Variants in RRP1B observed in about 807,000 individuals in gnomAD.
RRP1B encodes the protein ribosomal RNA processing protein 1 homolog B.
A neutral mutation model predicts 80.2 loss-of-function variants in RRP1B; 56 were observed. That is an observed-to-expected ratio of 0.70 (90% CI 0.56 to 0.87). RRP1B has a LOEUF of 0.87. Ranked by LOEUF, RRP1B falls within the 40% of genes least tolerant of loss-of-function variation. The probability of loss-of-function intolerance (pLI) is 0.00; values close to 1 mark genes in which losing one functional copy is unlikely to be tolerated. For synonymous variants in RRP1B, 351 were observed against 357.6 expected (o/e 0.98, Z 0.21); for missense variants, 807 against 939.8 (o/e 0.86, Z 1.85).
chr21:43,660,814 C>T (rs182886791), intron 1 of RRP1B, among the ~76,000 whole-genome samples: 18 of 152,240 alleles, frequency 1.2e-4, no homozygotes, highest in African/African-American at 4.3e-4. Flanking sequence ...GAGATGTAGG[C>T]AGTGGCCAGA....
chr21:43,664,098 G>A (rs1252021539), intron 1 of RRP1B, among the ~76,000 whole-genome samples: 1 of 152,012 alleles, frequency 6.6e-6, no homozygotes. Context: ...TAGATTCCTA[G>A]GTGAACACAC....
chr21:43,663,710 A>T (rs548700397), intron 1 of RRP1B, among the ~76,000 whole-genome samples: 1 of 151,636 alleles, frequency 6.6e-6, no homozygotes, highest in African/African-American at 2.4e-5. Context: ...GGCATGCACC[A>T]CCATGCCCAG....
chr21:43,691,410 C>G lies in RRP1B; in HGVS notation c.2020-29C>G, dbSNP rs2083085674. The G allele has an allele frequency of 1.2e-6, 2 of 1,612,156 alleles. No homozygotes were observed. The highest frequency in any genetic ancestry group is 4.5e-5 in the East Asian group (2 of 44,860). On this transcript the variant is annotated intron_variant, in intron 14 of 15. Transcript: ENST00000340648. The surrounding 1 kb of genome is among the most constrained non-coding windows in gnomAD (Gnocchi z 4.2). ...CGCCTCCACTGCACTTGCGTCACTC[C>G]TTTTGTTCCTGTTATTTCTCTTCTG... is the stretch of plus-strand genomic sequence containing the variant.
At chr21:43,663,326 C>T (rs2082965470) in intron 1 of RRP1B, among the ~76,000 whole-genome samples, 1 of 152,198 alleles carries the variant, frequency 6.6e-6, no homozygotes, top group South Asian at 2.1e-4. Context: ...AGTGCAACAG[C>T]GCGATCTCTG....
At position 43,695,176 on chromosome 21, in the gene RRP1B, T is replaced by A. The variant is rs1266096066; in HGVS notation, c.*1793T>A. The A allele has an allele frequency of 4.4e-5, 1 of 22,594 alleles. No individual in the cohort carries two copies. The highest frequency in any genetic ancestry group is 9.5e-5 in the Non-Finnish European group (1 of 10,546). The allele number at this position is 22,594 out of a possible 1,614,324, so 1.4% of individuals were successfully genotyped here. A position where few individuals can be genotyped will look rare whatever the true frequency, so the allele number is the denominator to read the frequency against. On this transcript the variant is annotated 3_prime_UTR_variant, in exon 16 of 16. Transcript: ENST00000340648. ...GTGAGCAAATAGTTTTAACTTTTCT[T>A]TTTTTTTTTTAAGTTTCATTCTTCC...
In RRP1B at chr21:43,695,092, A is replaced by G. The variant is rs1229263226; in HGVS notation, c.*1709A>G. On this transcript the variant is annotated 3_prime_UTR_variant, in exon 16 of 16. Transcript: ENST00000340648. ...ATAGCTGTGGTGGCTTAATGGCTGCATTAGATAGGATCCTCACATCCCATT... is the reference window on the plus strand; with the variant it reads ...ATAGCTGTGGTGGCTTAATGGCTGCGTTAGATAGGATCCTCACATCCCATT... 1 of 152,230 alleles carries G rather than the reference A, an allele frequency of 6.6e-6. No homozygotes were observed. The highest frequency in any genetic ancestry group is 1.5e-5 in the Non-Finnish European group (1 of 68,038). The allele number at this position is 152,230 out of a possible 1,614,324, so 9.4% of individuals were successfully genotyped here.
Position 43,693,320 on chromosome 21 carries a change from G to C in RRP1B, c.2214G>C (p.Leu738=), listed in dbSNP as rs1291577533. The part of the protein sequence containing the change: ...TPTSSPASSP[L]VAKKPLTTTP... ...CCAGCTCACCTGCCAGCTCACCCCT[G>C]GTGGCCAAGAAGCCCCTGACCACCA... The change falls in exon 16 of 16, where the codon CTG becomes CTC. Residue 738 remains leucine, a synonymous_variant. Transcript: ENST00000340648. This position sits in a 1 kb window ranked among gnomAD's most constrained non-coding sequence, Gnocchi z 4.1. 1 of 1,612,184 alleles carries C rather than the reference G, an allele frequency of 6.2e-7. No individual in the cohort carries two copies. The highest frequency in any genetic ancestry group is 1.7e-5 in the Admixed American group (1 of 59,654).
At chr21:43,692,040 A>G in intron 15 of RRP1B, among the ~76,000 whole-genome samples, 1 of 152,190 alleles carries the variant, frequency 6.6e-6, no homozygotes, top group South Asian at 2.1e-4. Context: ...GTGAGTGGGC[A>G]GCCAATTGCC....
intron 3 of RRP1B, 29 bp downstream of exon 3, chr21:43,672,394 TC>T: frequency 6.3e-7 from 1 of 1,593,436 alleles, no homozygotes; most frequent in Non-Finnish European, 8.6e-7. Context: ...TCTCCTTCCT[TC>T]CAAGTTTTCC....
intron 1 of RRP1B, 106 bp from the exon 2 acceptor site, chr21:43,669,778 G>T (rs577136501): frequency 1.1e-5 from 8 of 727,496 alleles, no homozygotes; most frequent in Middle Eastern, 6.1e-4. Flanking sequence ...TTAAAAAGAC[G>T]TGCAAACGAA....
intron 1 of RRP1B, among the ~76,000 whole-genome samples, chr21:43,668,484 C>A (rs1364796483): frequency 6.6e-6 from 1 of 151,724 alleles, no homozygotes; most frequent in Non-Finnish European, 1.5e-5. Context: ...TCTACTGCCT[C>A]AGCCTCTGGA....
rs2147175735 is a variant in RRP1B, at chr21:43,687,903, C to A, written c.1529C>A (p.Pro510His). The A allele has an allele frequency of 3.1e-6, 5 of 1,613,254 alleles. No homozygotes were observed. In the East Asian group the frequency reaches 1.1e-4, roughly 36 times the overall value. Residue 510 changes from proline (P) to histidine (H), a missense_variant, in exon 13 of 16, where the codon CCT (proline) becomes CAT (histidine). By Grantham distance (77) the Pro-to-His change is moderately conservative. Coordinates refer to ENST00000340648, the MANE Select transcript of RRP1B (RefSeq NM_015056.3). ...SGPSGSHPQG[P>H]RGSPTGGAQL... ...CCGAGTGGCAGTCATCCTCAGGGAC[C>A]TAGAGGGTCCCCGACAGGTGGAGCC...
chr21:43,672,696 C>T lies in RRP1B; in HGVS notation c.271+331C>T, dbSNP rs555568540. Among the ~76,000 whole-genome samples the T allele has an allele frequency of 2.6e-5, 4 of 152,210 alleles. No homozygotes were observed. The South Asian group carries it at 6.2e-4, about 24-fold the overall frequency. On this transcript the variant is annotated intron_variant, in intron 3 of 15. Coordinates refer to ENST00000340648, the MANE Select transcript of RRP1B (RefSeq NM_015056.3). ...GGTTCGTCTTCCCCAAGAGCAGAGC[C>T]GTCACTGGTAATAAATACATAGAAG...
In RRP1B at chr21:43,664,684, C is replaced by T. The variant is rs182849134; in HGVS notation, c.130+4890C>T. Among the ~76,000 whole-genome samples, 723 of 152,298 alleles carry T rather than the reference C, an allele frequency of 4.7e-3. 5 individuals carry two copies. Among genetic ancestry groups the T allele is most frequent in the South Asian group, 9.7e-3 (47 of 4,828 alleles). Reference sequence around the variant, plus strand: ...TGTTCTCACGCTGCTAATAAAGACACTCCGGAGACTGGGTAATTTATAAAG... The same window carrying T: ...TGTTCTCACGCTGCTAATAAAGACATTCCGGAGACTGGGTAATTTATAAAG... On this transcript the variant is annotated intron_variant, in intron 1 of 15. Coordinates refer to ENST00000340648, the MANE Select transcript of RRP1B (RefSeq NM_015056.3).
rs1187625724 is a variant in RRP1B, at chr21:43,675,078, G to A, written c.464G>A (p.Cys155Tyr). Residue 155 changes from cysteine to tyrosine, a missense_variant, in exon 6 of 16, where the codon TGT becomes TAT. Transcript: ENST00000340648. ...FLDVLMKEVLCPESQSPNGVR... is the reference protein window; with the variant it reads ...FLDVLMKEVLYPESQSPNGVR... Reference sequence around the variant, plus strand: ...GATGTCCTGATGAAGGAGGTCCTGTGTCCTGAGAGTCAGTCTCCTAATGGA... The same window carrying A: ...GATGTCCTGATGAAGGAGGTCCTGTATCCTGAGAGTCAGTCTCCTAATGGA... 9 of 1,614,028 alleles carry A rather than the reference G, an allele frequency of 5.6e-6. No individual in the cohort carries two copies. Among genetic ancestry groups the A allele is most frequent in the African/African-American group, 1.3e-5 (1 of 74,928 alleles).
intron 10 of RRP1B, 34 bp from the exon 11 acceptor site, chr21:43,685,736 T>A (rs1568959562): frequency 2.2e-6 from 3 of 1,383,354 alleles, no homozygotes; most frequent in Non-Finnish European, 1.9e-6. Context: ...TTTGTTATTT[T>A]TTTATTTTTT....
Position 43,659,960 on chromosome 21 carries a change from C to T in RRP1B, c.130+166C>T, listed in dbSNP as rs11909916. Reference sequence around the variant, plus strand: ...GAACCGCTTCTTGCTGTGTCTAGTGCCTTTTTACACTTAAGGAAACGGGTT... The same window carrying T: ...GAACCGCTTCTTGCTGTGTCTAGTGTCTTTTTACACTTAAGGAAACGGGTT... On this transcript the variant is annotated intron_variant, in intron 1 of 15. Transcript: ENST00000340648. The surrounding 1 kb of genome is among the most constrained non-coding windows in gnomAD (Gnocchi z 4.2). Among the ~76,000 whole-genome samples the T allele has an allele frequency of 0.039, 5,997 of 152,290 alleles. 417 individuals carry two copies. Among genetic ancestry groups the T allele is most frequent in the African/African-American group, 0.14 (5,641 of 41,548 alleles).
intron 8 of RRP1B, among the ~76,000 whole-genome samples, chr21:43,677,267 A>G (rs1320599943): frequency 1.3e-5 from 2 of 152,136 alleles, no homozygotes; most frequent in Non-Finnish European, 2.9e-5. Flanking sequence ...CCTCATTTCT[A>G]CGGGTTACTC....
chr21:43,670,773 C>T lies in RRP1B; in HGVS notation c.213+807C>T, dbSNP rs1175193679. 3.3e-5 allele frequency among the ~76,000 whole-genome samples: 5 copies of T among 152,106 alleles called. 1 individual carries two copies. The Middle Eastern group carries it at 9.5e-3, about 289-fold the overall frequency. On this transcript the variant is annotated intron_variant, in intron 2 of 15. Transcript: ENST00000340648. Reference sequence around the variant, plus strand: ...AGTGTGACCCAGGGAAGGCAAAAGACTGGACACCCCTGAGGTAGAGGAACC... The same window carrying T: ...AGTGTGACCCAGGGAAGGCAAAAGATTGGACACCCCTGAGGTAGAGGAACC...
Sources: gnomAD v4.1 joint callset for allele counts (sites outside exome capture counted in the v4.1 genomes callset) on GRCh38, gnomAD v4.1.1 for gene constraint, Gnocchi (gnomAD v3.1) non-coding constraint, MANE v1.5 for transcripts, NCBI Gene and HGNC (gene_info 2026-07-23, HGNC 2026-07-21) for gene names.